SLC2A14: variants seen among roughly 807,000 people sequenced by gnomAD.
The protein encoded by SLC2A14 is solute carrier family 2 member 14.
SLC2A14 carries 13 observed loss-of-function variants against 43.0 expected under a neutral mutation model. That is an observed-to-expected ratio of 0.30 (90% CI 0.20 to 0.48). The LOEUF is 0.48. Among genes scored for constraint, SLC2A14 ranks in the 20% least tolerant of loss-of-function variants. SLC2A14 has a pLI of 0.99. For missense variants in SLC2A14, 428 were observed against 620.4 expected (o/e 0.69, Z 3.29); for synonymous variants, 190 against 233.8 (o/e 0.81, Z 1.71).
At chr12:7,873,344 G>A (rs184223918), upstream of SLC2A14, 60 of 985,438 alleles carry the variant, frequency 6.1e-5, 1 homozygote, top group African/African-American at 9.8e-4. Flanking sequence ...GCGAGATCCT[G>A]TAAAGAGTTA....
chr12:7,817,950 G>T lies in SLC2A14; in HGVS notation c.1156C>A (p.Pro386Thr), dbSNP rs752155060. 3 of 1,614,126 alleles carry T rather than the reference G, an allele frequency of 1.9e-6. No homozygotes were observed. Among genetic ancestry groups the T allele is most frequent in the Non-Finnish European group, 2.5e-6 (3 of 1,180,034 alleles). ...AAGAGTTCGGCCACAATAAACCAGG[G>T]AATGGGGCCTGGTCCAATTTCAAAA... is the stretch of plus-strand genomic sequence containing the variant. ...ACFEIGPGPI[P>T]WFIVAELFSQ... The change falls in exon 10 of 11, where the codon CCC becomes ACC. Residue 386 changes from proline (P) to threonine (T), a missense_variant. Pro to Thr is a conservative substitution (Grantham distance 38). This residue lies in a region of SLC2A14 where 119 missense variants were observed against 188.7 expected (regional missense o/e 0.63). Transcript: ENST00000431042.
intron 2 of SLC2A14, among the ~76,000 whole-genome samples, chr12:7,838,448 C>A (rs921684601): frequency 1.5e-4 from 23 of 152,046 alleles, no homozygotes; most frequent in African/African-American, 5.3e-4. Context: ...AGACCAGGTA[C>A]CCCTTTCTTC....
At chr12:7,837,410 C>A (rs1179214713) in intron 2 of SLC2A14, among the ~76,000 whole-genome samples, 1 of 151,994 alleles carries the variant, frequency 6.6e-6, no homozygotes, top group Non-Finnish European at 1.5e-5. Flanking sequence ...GAGGCCAAGG[C>A]AGGAGGATCA....
At position 7,828,782 on chromosome 12, in the gene SLC2A14, T is replaced by A. The variant is rs886440679; in HGVS notation, c.598A>T (p.Ser200Cys). 3 of 1,614,054 alleles carry A rather than the reference T, an allele frequency of 1.9e-6. No homozygotes were observed. In the African/African-American group the frequency reaches 4.0e-5, roughly 22 times the overall value. The change falls in exon 6 of 11, where the codon AGT becomes TGT. Residue 200 changes from serine to cysteine, a missense_variant. By Grantham distance (112) the Ser-to-Cys change is moderately radical. Coordinates refer to ENST00000431042, the MANE Select transcript of SLC2A14 (RefSeq NM_001286234.2). ...GFTILPAILQ[S>C]AALPCCPESP... ...TCAGGGCAACATGGAAGGGCTGCAC[T>A]TTGCAGGATAGCTGGAAGGATGGTA...
At position 7,829,759 on chromosome 12, in the gene SLC2A14, A is replaced by G; in HGVS notation, c.513+7T>C. ...ACACTCATTAAGTATGAGAAGTTCT[A>G]GAGTACCTGGGCCACCAGAATTCCA... On this transcript the variant is annotated splice_region_variant and intron_variant, in intron 5 of 10. Coordinates refer to ENST00000431042, the MANE Select transcript of SLC2A14 (RefSeq NM_001286234.2). 2 of 1,614,132 alleles carry G rather than the reference A, an allele frequency of 1.2e-6. No individual in the cohort carries two copies. Among genetic ancestry groups the G allele is most frequent in the Non-Finnish European group, 8.5e-7 (1 of 1,180,014 alleles).
intron 2 of SLC2A14, among the ~76,000 whole-genome samples, chr12:7,855,328 G>A (rs943587986): frequency 1.3e-5 from 2 of 151,962 alleles, no homozygotes; most frequent in African/African-American, 4.8e-5. Flanking sequence ...TCTTGGAGAT[G>A]GGGTCTCCCT....
At chr12:7,839,921 CTACAAAAAAAAAA>C (rs1565532119) in intron 2 of SLC2A14, 2 of 139,176 alleles carry the variant, frequency 1.4e-5, no homozygotes, top group East Asian at 1.9e-4. Context: ...GACCCTGTCT[CTACAAAAAAAAAA>C]AAAAAAAAAA....
chr12:7,862,354 G>T (rs1268440042), intron 2 of SLC2A14, among the ~76,000 whole-genome samples: 1 of 151,886 alleles, frequency 6.6e-6, no homozygotes, highest in African/African-American at 2.4e-5. Context: ...GCCGAGACAG[G>T]GTCCCCCAGC....
At chr12:7,841,370 C>T (rs867866707) in intron 2 of SLC2A14, among the ~76,000 whole-genome samples, 1 of 152,124 alleles carries the variant, frequency 6.6e-6, no homozygotes, top group African/African-American at 2.4e-5. Flanking sequence ...AAGCGATTCT[C>T]CTGCCTCAGC....
intron 7 of SLC2A14, among the ~76,000 whole-genome samples, chr12:7,822,146 A>G (rs1439107981): frequency 1.3e-5 from 2 of 150,774 alleles, no homozygotes; most frequent in African/African-American, 4.9e-5. Flanking sequence ...TTTTTAGTAG[A>G]GACATGGTTT....
At chr12:7,875,229 A>T (rs964383807), upstream of SLC2A14, among the ~76,000 whole-genome samples, 22 of 114,006 alleles carry the variant, frequency 1.9e-4, no homozygotes, top group Non-Finnish European at 3.0e-4. Context: ...TTATATATGT[A>T]TTTTTATATA....
chr12:7,853,397 T>G (rs1254173694), intron 2 of SLC2A14, among the ~76,000 whole-genome samples: 1 of 120,146 alleles, frequency 8.3e-6, no homozygotes, highest in Non-Finnish European at 1.6e-5. Flanking sequence ...GCCATTGCAC[T>G]CCAGCCAGAG....
At chr12:7,822,045 T>C (rs1000243359) in intron 7 of SLC2A14, among the ~76,000 whole-genome samples, 1 of 151,962 alleles carries the variant, frequency 6.6e-6, no homozygotes, top group South Asian at 2.1e-4. Context: ...AGGATGTTCT[T>C]GATCTCCTGA....
chr12:7,814,676 A>T (rs1353339566), intron 10 of SLC2A14, 142 bp from the exon 11 acceptor site: 1 of 950,162 alleles, frequency 1.1e-6, no homozygotes, highest in Non-Finnish European at 1.5e-6. Flanking sequence ...TTCTTCAGAG[A>T]TTTACTTATG....
rs1565592007 is a variant in SLC2A14, at chr12:7,886,357, T to G, written c.132+4639A>C. On this transcript the variant is annotated intron_variant, in intron 1 of 9. Coordinates refer to the SLC2A14 transcript ENST00000539924. The stretch of plus-strand genomic sequence containing the variant: ...AATTTTTAAAATTTATTTATTTATT[T>G]ATTTATTTATTTATTTATTTATTTA... Among the ~76,000 whole-genome samples the G allele has an allele frequency of 4.3e-4, 7 of 16,280 alleles. 1 individual carries two copies. The highest frequency in any genetic ancestry group is 1.7e-4 in the Non-Finnish European group (1 of 6,006). 10.7% of individuals were successfully genotyped at this position (16,280 alleles called of 152,430 possible).
At chr12:7,824,887 C>T (rs12307656) in intron 7 of SLC2A14, among the ~76,000 whole-genome samples, 51 of 152,014 alleles carry the variant, frequency 3.4e-4, no homozygotes, top group Middle Eastern at 6.8e-3. Context: ...TAGAGACAGG[C>T]TTTTGCCATG....
rs191634497 is a variant in SLC2A14, at chr12:7,852,274, G to A, written c.18+17589C>T. Among the ~76,000 whole-genome samples, 862 of 152,182 alleles carry A rather than the reference G, an allele frequency of 5.7e-3. 15 individuals carry two copies. The highest frequency in any genetic ancestry group is 0.02 in the African/African-American group (827 of 41,520). ...CTTTAAATAACAGTATATGAACATAGTGTCCAAATTTAATCATCGGGCACT... is the reference window on the plus strand; with the variant it reads ...CTTTAAATAACAGTATATGAACATAATGTCCAAATTTAATCATCGGGCACT... On this transcript the variant is annotated intron_variant, in intron 2 of 10. Transcript: ENST00000431042.
At chr12:7,826,830 T>TTCCTTCCTTCCTTCCTTCCTTCCTTCC (rs1864397560) in intron 7 of SLC2A14, among the ~76,000 whole-genome samples, 1 of 32,558 alleles carries the variant, frequency 3.1e-5, no homozygotes, top group African/African-American at 8.8e-5. Context: ...TCTTTCTTTC[T>TTCCTTCCTTCCTTCCTTCCTTCCTTCC]TTCTTTCCTT....
At chr12:7,815,358 G>A (rs1451848975) in intron 10 of SLC2A14, among the ~76,000 whole-genome samples, 2 of 152,122 alleles carry the variant, frequency 1.3e-5, no homozygotes, top group Non-Finnish European at 2.9e-5. Flanking sequence ...AGAGGTTGCA[G>A]TGAGCCGAGA....
Sources: allele counts gnomAD v4.1 joint callset (sites outside exome capture counted in the v4.1 genomes callset), GRCh38; gene constraint gnomAD v4.1.1; regional missense constraint gnomAD v4.1.1; transcripts MANE v1.5; gene names NCBI Gene and HGNC (gene_info 2026-07-23, HGNC 2026-07-21).